Variants in PALMD observed in about 807,000 individuals in gnomAD.
PALMD encodes the protein paralemmin-like protein.
In PALMD, 42 loss-of-function variants were observed where a neutral mutation model predicts 56.2. The ratio of observed to expected loss-of-function variants is 0.75; its 90% CI spans 0.58 to 0.97. The LOEUF (loss-of-function observed/expected upper bound fraction) is 0.97. PALMD is among the 50% of genes least tolerant of loss of function. The pLI is 0.00. For synonymous variants in PALMD, 242 were observed against 222.9 expected (o/e 1.09, Z -0.76); for missense variants, 660 against 643.8 (o/e 1.03, Z -0.27).
At chr1:99,676,936 A>G (rs1355916245) in intron 3 of PALMD, among the ~76,000 whole-genome samples, 2 of 152,220 alleles carry the variant, frequency 1.3e-5, no homozygotes, top group Non-Finnish European at 2.9e-5. Flanking sequence ...TCTGCCTATT[A>G]CATATGACTA....
chr1:99,646,438 G>T (rs1652445918), intron 1 of PALMD, 76 bp downstream of exon 1: 6 of 1,113,328 alleles, frequency 5.4e-6, no homozygotes, highest in South Asian at 1.2e-5. Context: ...TGCCCCTGTC[G>T]CTGAGCCCTC....
At chr1:99,691,425 T>C (rs985960079) in intron 7 of PALMD, among the ~76,000 whole-genome samples, 1 of 152,146 alleles carries the variant, frequency 6.6e-6, no homozygotes, top group Admixed American at 6.5e-5. Flanking sequence ...ACTAAAATAA[T>C]GAAAACAGGA....
At chr1:99,664,058 G>A (rs574090317) in intron 2 of PALMD, among the ~76,000 whole-genome samples, 2 of 152,214 alleles carry the variant, frequency 1.3e-5, no homozygotes, top group East Asian at 1.9e-4. Context: ...TGCCAGTCGT[G>A]CACTCTGGTT....
At chr1:99,669,239 G>A (rs1010194248) in intron 3 of PALMD, 2 of 152,096 alleles carry the variant, frequency 1.3e-5, no homozygotes, top group Non-Finnish European at 2.9e-5. Context: ...TTATCTAGAT[G>A]TTTTTGAAAT....
In PALMD at chr1:99,670,274, G is replaced by A. The variant is rs527441000; in HGVS notation, c.251+2508G>A. Among the ~76,000 whole-genome samples, 6 of 152,206 alleles carry A rather than the reference G, an allele frequency of 3.9e-5. No homozygotes were observed. The East Asian group carries it at 1.2e-3, about 29-fold the overall frequency. On this transcript the variant is annotated intron_variant, in intron 3 of 7. Transcript: ENST00000263174. ...GCTAAATCCATCAATACTCCTTTGT[G>A]AATACCAAATGAGTTTAGTCCTTAA... is the stretch of plus-strand genomic sequence containing the variant.
chr1:99,650,004 A>C (rs6577390), intron 1 of PALMD, among the ~76,000 whole-genome samples: 68,846 of 151,936 alleles, frequency 0.45, 16,080 homozygotes, highest in Non-Finnish European at 0.51. Flanking sequence ...TTGTGCATTT[A>C]AATGAAAAGA....
chr1:99,649,909 A>G (rs1408516043), intron 1 of PALMD, among the ~76,000 whole-genome samples: 1 of 152,180 alleles, frequency 6.6e-6, no homozygotes, highest in Non-Finnish European at 1.5e-5. Flanking sequence ...GCTTACCTTT[A>G]ACTGTAAGGA....
intron 3 of PALMD, chr1:99,685,799 A>C (rs2100874289): frequency 6.6e-6 from 1 of 152,316 alleles, no homozygotes; most frequent in Admixed American, 6.5e-5. Context: ...TGGCTGAGAA[A>C]CCATGTGTGT....
chr1:99,686,650 T>C (rs7515433), intron 3 of PALMD, 26 bp from the exon 4 acceptor site: 47,698 of 1,207,612 alleles, frequency 0.039, 2,249 homozygotes, highest in African/African-American at 0.22. Flanking sequence ...TGTTAAGCAA[T>C]AAAAAGTATA....
intron 1 of PALMD, among the ~76,000 whole-genome samples, chr1:99,659,063 C>A (rs1487294872): frequency 6.6e-6 from 1 of 152,066 alleles, no homozygotes; most frequent in African/African-American, 2.4e-5. Context: ...TTGAATAAAT[C>A]AATAATCAAA....
At chr1:99,680,161 G>T (rs903921055) in intron 3 of PALMD, among the ~76,000 whole-genome samples, 2 of 152,146 alleles carry the variant, frequency 1.3e-5, no homozygotes, top group Non-Finnish European at 2.9e-5. Flanking sequence ...ATTGCCTTCT[G>T]AAATAACCTC....
chr1:99,660,503 T>C (rs1249393959), intron 1 of PALMD, among the ~76,000 whole-genome samples: 1 of 152,202 alleles, frequency 6.6e-6, no homozygotes, highest in South Asian at 2.1e-4. Context: ...AAAGTACAAT[T>C]AATATTTGCT....
At chr1:99,663,146 A>G (rs1356405565) in intron 2 of PALMD, among the ~76,000 whole-genome samples, 1 of 152,206 alleles carries the variant, frequency 6.6e-6, no homozygotes, top group Non-Finnish European at 1.5e-5. Flanking sequence ...TGCACACTCA[A>G]GGGGTCTACA....
chr1:99,676,161 T>C (rs948199707), intron 3 of PALMD, among the ~76,000 whole-genome samples: 4 of 152,302 alleles, frequency 2.6e-5, no homozygotes, highest in African/African-American at 9.6e-5. Context: ...AACTTAGTGT[T>C]TGCTGTATGC....
intron 3 of PALMD, among the ~76,000 whole-genome samples, chr1:99,671,390 C>T (rs937499095): frequency 6.6e-6 from 1 of 152,130 alleles, no homozygotes; most frequent in Non-Finnish European, 1.5e-5. Flanking sequence ...TTTCTTTGAG[C>T]CTCAGTTTCC....
chr1:99,689,545 G>C lies in PALMD; in HGVS notation c.1285G>C (p.Asp429His). The stretch of plus-strand genomic sequence containing the variant: ...TCAGCAGGCAGAAGACAGTGAAGAA[G>C]ATAAGAAGTTTCTGACAGGATATGA... ...GYQQAEDSEE[D>H]KKFLTGYDGI... Residue 429 changes from aspartate (D) to histidine (H), a missense_variant, in exon 7 of 8, where the codon GAT becomes CAT. Physicochemically the swap from Asp to His is moderately conservative, Grantham distance 81. Transcript: ENST00000263174. The C allele has an allele frequency of 6.2e-7, 1 of 1,613,786 alleles. No homozygotes were observed. Among genetic ancestry groups the C allele is most frequent in the Non-Finnish European group, 8.5e-7 (1 of 1,179,828 alleles).
At chr1:99,654,136 C>G (rs760281495) in intron 1 of PALMD, among the ~76,000 whole-genome samples, 2 of 151,988 alleles carry the variant, frequency 1.3e-5, no homozygotes, top group Non-Finnish European at 2.9e-5. Context: ...TTCCACCACT[C>G]GATCAATCAC....
chr1:99,685,774 G>A (rs978905745), intron 3 of PALMD: 1 of 152,178 alleles, frequency 6.6e-6, no homozygotes, highest in African/African-American at 2.4e-5. Flanking sequence ...GCTGACTTTA[G>A]AGCCTTAGTG....
intron 3 of PALMD, chr1:99,683,160 A>C (rs927742431): frequency 7.3e-6 from 1 of 137,190 alleles, no homozygotes; most frequent in African/African-American, 2.9e-5. Flanking sequence ...GAAAGAAAGA[A>C]AGAAAGAAAC....
Sources: gnomAD v4.1 joint callset for allele counts (sites outside exome capture counted in the v4.1 genomes callset) on GRCh38, gnomAD v4.1.1 for gene constraint, MANE v1.5 for transcripts, NCBI Gene and HGNC (gene_info 2026-07-23, HGNC 2026-07-21) for gene names.